The following CDH12 variants were observed in gnomAD, a reference collection of about 807,000 sequenced individuals.
CDH12 encodes the protein cadherin 12, also known as cadherin-12.
In CDH12, 41 loss-of-function variants were observed where a neutral mutation model predicts 74.1. The observed-to-expected ratio is 0.55, with a 90% CI of 0.43 to 0.72. The LOEUF (loss-of-function observed/expected upper bound fraction) is 0.72. Ranked by LOEUF, CDH12 falls within the 30% of genes least tolerant of loss-of-function variation. The pLI, the probability that CDH12 is intolerant of heterozygous loss-of-function variation, is 0.00. For missense variants in CDH12, 945 were observed against 977.2 expected (o/e 0.97, Z 0.44); for synonymous variants, 399 against 355.0 (o/e 1.12, Z -1.39).
chr5:22,841,155 G>A (rs1163622963), intron 1 of CDH12, among the ~76,000 whole-genome samples: 1 of 152,168 alleles, frequency 6.6e-6, no homozygotes, highest in Non-Finnish European at 1.5e-5. Flanking sequence ...ACTAGAAGCA[G>A]TAATTTGGAT....
At chr5:21,758,802 A>G (rs1319510277) in intron 13 of CDH12, among the ~76,000 whole-genome samples, 2 of 152,190 alleles carry the variant, frequency 1.3e-5, no homozygotes, top group South Asian at 2.1e-4. Flanking sequence ...AAAGAATGAA[A>G]TCATGTTCTG....
At chr5:22,042,889 CAAAAAAA>C (rs1171549252) in intron 5 of CDH12, among the ~76,000 whole-genome samples, 5 of 56,066 alleles carry the variant, frequency 8.9e-5, no homozygotes, top group African/African-American at 1.6e-4. Context: ...GATTCTATCT[CAAAAAAA>C]AAAAAAAAAA....
intron 12 of CDH12, among the ~76,000 whole-genome samples, chr5:21,761,494 T>G (rs1284504513): frequency 6.6e-6 from 1 of 151,748 alleles, no homozygotes; most frequent in Non-Finnish European, 1.5e-5. Flanking sequence ...AAGGGCAGAG[T>G]GTTGGCCAGA....
At chr5:22,095,907 G>A (rs182244604) in intron 4 of CDH12, among the ~76,000 whole-genome samples, 45 of 144,946 alleles carry the variant, frequency 3.1e-4, no homozygotes, top group African/African-American at 4.6e-4. Flanking sequence ...CCTTATTTCC[G>A]TGCCCCAACC....
At chr5:22,137,933 T>C (rs1272083707) in intron 4 of CDH12, among the ~76,000 whole-genome samples, 6 of 152,246 alleles carry the variant, frequency 3.9e-5, no homozygotes, top group African/African-American at 1.2e-4. Context: ...TTGAAAGATA[T>C]CAGCAATTTG....
At chr5:22,328,175 A>G (rs1739202747) in intron 3 of CDH12, among the ~76,000 whole-genome samples, 1 of 152,198 alleles carries the variant, frequency 6.6e-6, no homozygotes, top group African/African-American at 2.4e-5. Context: ...ATAAACTTCT[A>G]TTTGAAACTA....
chr5:22,185,681 A>G (rs1201513885), intron 4 of CDH12, among the ~76,000 whole-genome samples: 3 of 152,212 alleles, frequency 2.0e-5, no homozygotes, highest in Non-Finnish European at 4.4e-5. Context: ...AAGATGCTTC[A>G]TGGGACAAAA....
intron 3 of CDH12, among the ~76,000 whole-genome samples, chr5:22,389,244 G>A (rs1742128569): frequency 6.6e-6 from 1 of 152,136 alleles, no homozygotes; most frequent in South Asian, 2.1e-4. Flanking sequence ...CACATTAAAA[G>A]CTAATTTATT....
intron 9 of CDH12, among the ~76,000 whole-genome samples, chr5:21,816,455 T>C (rs1748045263): frequency 6.6e-6 from 1 of 150,834 alleles, no homozygotes; most frequent in African/African-American, 2.4e-5. Flanking sequence ...TGAAATCCCT[T>C]CTCTACTAAA....
At chr5:22,772,960 T>C (rs1746889814) in intron 1 of CDH12, among the ~76,000 whole-genome samples, 1 of 151,876 alleles carries the variant, frequency 6.6e-6, no homozygotes, top group African/African-American at 2.4e-5. Context: ...AGGTGAAAGA[T>C]CTCTACAAGG....
chr5:22,370,143 T>C (rs569428122), intron 3 of CDH12, among the ~76,000 whole-genome samples: 30 of 152,322 alleles, frequency 2.0e-4, no homozygotes, highest in East Asian at 7.7e-4. Context: ...AAGAGCTGAA[T>C]AAAGTGTGCT....
chr5:22,602,901 A>T (rs925442773), intron 1 of CDH12, among the ~76,000 whole-genome samples: 1 of 152,122 alleles, frequency 6.6e-6, no homozygotes, highest in Non-Finnish European at 1.5e-5. Flanking sequence ...AATGTTCTTT[A>T]TTGATTGGAA....
chr5:22,017,986 C>T (rs574479843), intron 5 of CDH12, among the ~76,000 whole-genome samples: 38 of 152,066 alleles, frequency 2.5e-4, no homozygotes, highest in East Asian at 7.7e-4. Flanking sequence ...CTCAAACTCC[C>T]GACCTCAGGT....
intron 3 of CDH12, among the ~76,000 whole-genome samples, chr5:22,296,297 T>C (rs1057103002): frequency 6.6e-6 from 1 of 152,042 alleles, no homozygotes; most frequent in African/African-American, 2.4e-5. Context: ...AGAGAACCTA[T>C]GTTAGAGGAA....
At chr5:22,223,176 CAT>C (rs1303453030) in intron 3 of CDH12, among the ~76,000 whole-genome samples, 3 of 152,094 alleles carry the variant, frequency 2.0e-5, no homozygotes, top group African/African-American at 4.8e-5. Context: ...CAAAGCAACA[CAT>C]GTGTTAAAGT....
chr5:22,172,435 C>T (rs1749084635), intron 4 of CDH12: 1 of 151,824 alleles, frequency 6.6e-6, no homozygotes, highest in Non-Finnish European at 1.5e-5. Flanking sequence ...CTCAATCTTC[C>T]TTGTTTCTCT....
chr5:22,716,067 G>T (rs1395856642), intron 1 of CDH12, among the ~76,000 whole-genome samples: 1 of 152,042 alleles, frequency 6.6e-6, no homozygotes, highest in Non-Finnish European at 1.5e-5. Context: ...AACCTGGGAG[G>T]CAGAGATTGC....
intron 2 of CDH12, among the ~76,000 whole-genome samples, chr5:22,435,075 T>A (rs889768757): frequency 3.9e-5 from 6 of 152,106 alleles, no homozygotes; most frequent in African/African-American, 1.4e-4. Context: ...GGGATGTCTG[T>A]GAGGGTGTTG....
chr5:22,293,097 C>A lies in CDH12; in HGVS notation c.-332-80454G>T, dbSNP rs868654217. 3.3e-5 allele frequency among the ~76,000 whole-genome samples: 5 copies of A among 152,146 alleles called. No individual in the cohort carries two copies. In the East Asian group the frequency reaches 9.6e-4, roughly 29 times the overall value. On this transcript the variant is annotated intron_variant, in intron 3 of 14. Transcript: ENST00000382254. ...TCTGTTCTCAATCTCTAAAAACCCACGTCTGTTCCTTATTTGGCACCCTTA... is the reference window on the plus strand; with the variant it reads ...TCTGTTCTCAATCTCTAAAAACCCAAGTCTGTTCCTTATTTGGCACCCTTA...
Sources: gnomAD v4.1 joint callset for allele counts (sites outside exome capture counted in the v4.1 genomes callset) on GRCh38, gnomAD v4.1.1 for gene constraint, MANE v1.5 for transcripts, NCBI Gene and HGNC (gene_info 2026-07-23, HGNC 2026-07-21) for gene names.